B3GAT2: variants seen among roughly 807,000 people sequenced by gnomAD.
The protein encoded by B3GAT2 is beta-1,3-glucuronyltransferase 2, also known as galactosylgalactosylxylosylprotein 3-beta-glucuronosyltransferase 2.
Under a neutral mutation model 27.8 loss-of-function variants are expected in B3GAT2, and 26 were observed. The ratio of observed to expected loss-of-function variants is 0.93; its 90% CI spans 0.68 to 1.30. The LOEUF is 1.30. B3GAT2 is among the 50% of genes most tolerant of loss of function. The pLI is 0.00. For synonymous variants in B3GAT2, 218 were observed against 195.1 expected, an observed-to-expected ratio of 1.12 and a Z score of -0.98; for missense variants, 458 against 459.0, an observed-to-expected ratio of 1.00 and a Z score of 0.02.
intron 2 of B3GAT2, among the ~76,000 whole-genome samples, chr6:70,870,046 T>C (rs895832448): frequency 2.0e-5 from 3 of 152,160 alleles, no homozygotes; most frequent in Non-Finnish European, 4.4e-5. Context: ...ACTGGGTATA[T>C]ACCCAAAGGA....
At chr6:70,926,107 A>G (rs2150043749) in intron 1 of B3GAT2, among the ~76,000 whole-genome samples, 1 of 152,344 alleles carries the variant, frequency 6.6e-6, no homozygotes, top group Non-Finnish European at 1.5e-5. Flanking sequence ...AAAACTAACA[A>G]AGCATCAACA....
intron 1 of B3GAT2, among the ~76,000 whole-genome samples, chr6:70,940,216 G>C (rs751000886): frequency 4.0e-4 from 61 of 152,138 alleles, no homozygotes; most frequent in Admixed American, 7.9e-4. Context: ...CCTCATTCTG[G>C]ACTAAATAAG....
chr6:70,927,294 T>C (rs1772979135), intron 1 of B3GAT2, among the ~76,000 whole-genome samples: 1 of 152,282 alleles, frequency 6.6e-6, no homozygotes, highest in East Asian at 1.9e-4. Context: ...CCAGCTAACA[T>C]CATGATGACA....
chr6:70,916,568 C>G (rs1772777870), intron 1 of B3GAT2, among the ~76,000 whole-genome samples: 1 of 152,178 alleles, frequency 6.6e-6, no homozygotes, highest in African/African-American at 2.4e-5. Context: ...GAGATACATT[C>G]TATCAATACC....
rs965129772 is a variant in B3GAT2, at chr6:70,857,501, C to T, written c.*4162G>A. The T allele has an allele frequency of 5.8e-6, 1 of 172,258 alleles. No individual in the cohort carries two copies. The highest frequency in any genetic ancestry group is 2.4e-5 in the African/African-American group (1 of 41,928). The allele number at this position is 172,258 out of a possible 1,614,324, so 10.7% of individuals were successfully genotyped here. A position where few individuals can be genotyped will look rare whatever the true frequency, so the allele number is the denominator to read the frequency against. On this transcript the variant is annotated 3_prime_UTR_variant, in exon 4 of 4. Coordinates refer to ENST00000230053, the MANE Select transcript of B3GAT2 (RefSeq NM_080742.3). ...CCATTTCCTTTAAAATAATGAGCTG[C>T]ATTTCACATGTGAGCTAAAATTGTT...
At chr6:70,924,765 T>C (rs889882568) in intron 1 of B3GAT2, among the ~76,000 whole-genome samples, 1 of 152,172 alleles carries the variant, frequency 6.6e-6, no homozygotes, top group Non-Finnish European at 1.5e-5. Context: ...GTTTAAATGA[T>C]AATAGCCCTT....
At chr6:70,937,905 C>T (rs13194216) in intron 1 of B3GAT2, among the ~76,000 whole-genome samples, 13,407 of 151,092 alleles carry the variant, frequency 0.089, 598 homozygotes, top group South Asian at 0.14. Flanking sequence ...CTGGCCAGGG[C>T]AATTAGGCAG....
intron 2 of B3GAT2, among the ~76,000 whole-genome samples, chr6:70,892,544 TGC>T (rs1772308326): frequency 6.6e-6 from 1 of 152,200 alleles, no homozygotes; most frequent in Non-Finnish European, 1.5e-5. Flanking sequence ...TGTCTGCGGC[TGC>T]TTGAGCAGTC....
intron 1 of B3GAT2, among the ~76,000 whole-genome samples, chr6:70,932,844 C>T (rs1773081289): frequency 6.6e-6 from 1 of 152,120 alleles, no homozygotes; most frequent in Admixed American, 6.6e-5. Flanking sequence ...GTCTATCATC[C>T]AGGCTGGAGT....
intron 1 of B3GAT2, among the ~76,000 whole-genome samples, chr6:70,905,901 G>GTA (rs1410741856): frequency 6.6e-6 from 1 of 151,824 alleles, no homozygotes; most frequent in African/African-American, 2.4e-5. Context: ...GTGTGTGTGT[G>GTA]TGTATGTGTG....
chr6:70,949,792 T>C (rs987632321), intron 1 of B3GAT2, among the ~76,000 whole-genome samples: 4 of 151,418 alleles, frequency 2.6e-5, no homozygotes, highest in African/African-American at 9.7e-5. Flanking sequence ...TAGCAAAGAC[T>C]TGGAACCAAC....
intron 1 of B3GAT2, among the ~76,000 whole-genome samples, chr6:70,899,867 TACTAAAAGTATCTTCATGTA>T (rs1772466726): frequency 6.6e-6 from 1 of 152,236 alleles, no homozygotes; most frequent in Non-Finnish European, 1.5e-5. Flanking sequence ...CAACAGTGAC[TACTAAAAGTATCTTCATGTA>T]ACTAAAATAT....
intron 2 of B3GAT2, among the ~76,000 whole-genome samples, chr6:70,871,229 T>G (rs1004088704): frequency 7.6e-5 from 11 of 144,200 alleles, no homozygotes; most frequent in South Asian, 2.2e-4. Context: ...TTTGTTTTTT[T>G]TTTTTCTTCG....
intron 1 of B3GAT2, among the ~76,000 whole-genome samples, chr6:70,911,274 G>C (rs1255398360): frequency 6.6e-6 from 1 of 152,066 alleles, no homozygotes; most frequent in Non-Finnish European, 1.5e-5. Flanking sequence ...TTTTCCTCTA[G>C]GGTTTTATAG....
Position 70,859,136 on chromosome 6 carries a change from A to T in B3GAT2, c.*2527T>A. 1 of 469,530 alleles carries T rather than the reference A, an allele frequency of 2.1e-6. No individual in the cohort carries two copies. The highest frequency in any genetic ancestry group is 3.8e-6 in the Non-Finnish European group (1 of 264,598). 29.1% of individuals were successfully genotyped at this position (469,530 alleles called of 1,614,324 possible). ...AGTGATTTCTAACATTAGCACAATC[A>T]CTATATATCACAGTTAATTTTGCTA... On this transcript the variant is annotated 3_prime_UTR_variant, in exon 4 of 4. Coordinates refer to ENST00000230053, the MANE Select transcript of B3GAT2 (RefSeq NM_080742.3).
At position 70,861,956 on chromosome 6, in the gene B3GAT2, G is replaced by A; in HGVS notation, c.759C>T (p.Val253=). The A allele has an allele frequency of 6.2e-7, 1 of 1,611,190 alleles. No homozygotes were observed. The highest frequency in any genetic ancestry group is 1.7e-5 in the Admixed American group (1 of 59,824). ...ATACAGCTTTTGGATTGGACAAAATGACTTGAAGACTTACAGCAAATCCTT... is the reference window on the plus strand; with the variant it reads ...ATACAGCTTTTGGATTGGACAAAATAACTTGAAGACTTACAGCAAATCCTT... ...DMAGFAVSLQ[V]ILSNPKAVFK... Residue 253 remains valine, a synonymous_variant, in exon 3 of 4, where the codon GTC becomes GTT. Transcript: ENST00000230053.
chr6:70,930,264 T>C (rs1773038559), intron 1 of B3GAT2, among the ~76,000 whole-genome samples: 1 of 152,188 alleles, frequency 6.6e-6, no homozygotes, highest in Admixed American at 6.5e-5. Context: ...GGCTATACCA[T>C]TCAGGTCATA....
Position 70,956,067 on chromosome 6 carries a change from C to G in B3GAT2, c.363G>C (p.Ala121=), listed in dbSNP as rs755717028. The change falls in exon 1 of 4, where the codon GCG becomes GCC. Residue 121 remains alanine, a synonymous_variant. Transcript: ENST00000230053. ...GGAAGCGGCTCACCAGCTCGCTGCG[C>G]GCCGCCGCGTCCTCCACCAGGATCC... The part of the protein sequence containing the change: ...LHWILVEDAA[A]RSELVSRFLA... The G allele has an allele frequency of 6.3e-7, 1 of 1,589,310 alleles. No homozygotes were observed. The highest frequency in any genetic ancestry group is 2.3e-5 in the East Asian group (1 of 43,080).
intron 1 of B3GAT2, among the ~76,000 whole-genome samples, chr6:70,909,154 A>T (rs2504738): frequency 0.48 from 71,668 of 150,426 alleles, 17,563 homozygotes; most frequent in East Asian, 0.68. Context: ...TCTCTCTCTC[A>T]CACACACACA....
Sources: gnomAD v4.1 joint callset for allele counts (sites outside exome capture counted in the v4.1 genomes callset) on GRCh38, gnomAD v4.1.1 for gene constraint, MANE v1.5 for transcripts, NCBI Gene and HGNC (gene_info 2026-07-23, HGNC 2026-07-21) for gene names.